Variants in CSMD3 observed in about 807,000 individuals in gnomAD.
CSMD3 encodes CUB and sushi domain-containing protein 3.
CSMD3 carries 177 observed loss-of-function variants against 435.2 expected under a neutral mutation model. The ratio of observed to expected loss-of-function variants is 0.41; its 90% CI spans 0.36 to 0.46. The LOEUF (loss-of-function observed/expected upper bound fraction) is 0.46. Ranked by LOEUF, CSMD3 falls within the 20% of genes least tolerant of loss-of-function variation. The pLI is 0.34. For missense variants in CSMD3, 4,265 were observed against 4,504.6 expected, an observed-to-expected ratio of 0.95 and a Z score of 1.52; for synonymous variants, 1,656 against 1,520.5, an observed-to-expected ratio of 1.09 and a Z score of -2.07.
At chr8:112,612,311 T>C (rs1833319679) in intron 22 of CSMD3, among the ~76,000 whole-genome samples, 1 of 152,152 alleles carries the variant, frequency 6.6e-6, no homozygotes. Context: ...TAAAAAACTA[T>C]CCCTTTCATT....
intron 3 of CSMD3, among the ~76,000 whole-genome samples, chr8:113,249,675 G>C (rs901042710): frequency 6.6e-6 from 1 of 151,806 alleles, no homozygotes; most frequent in African/African-American, 2.4e-5. Flanking sequence ...AAAGAAATTC[G>C]ACTGCCTTAT....
intron 13 of CSMD3, among the ~76,000 whole-genome samples, chr8:112,780,489 C>T (rs2078356937): frequency 1.3e-5 from 2 of 152,050 alleles, no homozygotes; most frequent in Non-Finnish European, 1.5e-5. Context: ...CACAAGAAAG[C>T]ACTTCTGTAA....
intron 65 of CSMD3, 71 bp from the exon 66 acceptor site, chr8:112,241,856 ACG>A (rs61259367): frequency 0.28 from 191,060 of 672,376 alleles, 8,733 homozygotes; most frequent in Admixed American, 0.38. Context: ...ACACACACAC[ACG>A]CACACACACA....
chr8:112,323,358 T>G (rs867559281), intron 45 of CSMD3, among the ~76,000 whole-genome samples: 1 of 152,068 alleles, frequency 6.6e-6, no homozygotes, highest in Non-Finnish European at 1.5e-5. Context: ...CAGTCTAGAT[T>G]CCTGCCATTT....
chr8:113,228,917 C>T (rs538474834), intron 3 of CSMD3, among the ~76,000 whole-genome samples: 1 of 151,612 alleles, frequency 6.6e-6, no homozygotes, highest in African/African-American at 2.4e-5. Context: ...ATTTAGTGCC[C>T]ATCCATGCAA....
chr8:112,795,147 C>T (rs1004851766), intron 13 of CSMD3, among the ~76,000 whole-genome samples: 22 of 152,126 alleles, frequency 1.4e-4, no homozygotes, highest in African/African-American at 4.3e-4. Context: ...TTAATACTAC[C>T]ATATTCTAAA....
chr8:112,335,238 CA>C (rs1182191009), intron 45 of CSMD3, 90 bp downstream of exon 45: 1 of 1,268,034 alleles, frequency 7.9e-7, no homozygotes, highest in African/African-American at 1.5e-5. Context: ...AATACCTTTT[CA>C]ATCATTGGTT....
At chr8:112,578,773 A>G (rs1481821091) in intron 23 of CSMD3, among the ~76,000 whole-genome samples, 1 of 152,068 alleles carries the variant, frequency 6.6e-6, no homozygotes, top group Non-Finnish European at 1.5e-5. Flanking sequence ...CAGTCCTGAC[A>G]TTGTGGCACA....
intron 5 of CSMD3, among the ~76,000 whole-genome samples, chr8:113,071,733 G>T (rs1252701916): frequency 6.6e-6 from 1 of 151,808 alleles, no homozygotes; most frequent in Non-Finnish European, 1.5e-5. Context: ...CAATTAGAAA[G>T]CTTGATGCCT....
At chr8:112,323,148 A>AAAACAAAC (rs60164058) in intron 45 of CSMD3, among the ~76,000 whole-genome samples, 21,582 of 150,450 alleles carry the variant, frequency 0.14, 3,880 homozygotes, top group African/African-American at 0.42. Flanking sequence ...GGAGTAATGA[A>AAAACAAAC]AAACAAACAA....
intron 22 of CSMD3, among the ~76,000 whole-genome samples, chr8:112,625,409 G>T (rs1259379904): frequency 6.6e-6 from 1 of 151,928 alleles, no homozygotes; most frequent in Non-Finnish European, 1.5e-5. Flanking sequence ...GACAAAAAAG[G>T]CTCAGAATTT....
At chr8:112,462,031 C>A (rs1016521120) in intron 32 of CSMD3, among the ~76,000 whole-genome samples, 1 of 152,116 alleles carries the variant, frequency 6.6e-6, no homozygotes, top group Non-Finnish European at 1.5e-5. Flanking sequence ...AAAATGAGGA[C>A]CAGAAAGCTT....
chr8:112,856,047 G>C (rs1224616081), intron 11 of CSMD3, among the ~76,000 whole-genome samples: 2 of 151,846 alleles, frequency 1.3e-5, no homozygotes, highest in African/African-American at 4.8e-5. Flanking sequence ...TTCACACATG[G>C]AGCTAATGTT....
intron 36 of CSMD3, among the ~76,000 whole-genome samples, chr8:112,388,339 C>T (rs979501757): frequency 1.2e-4 from 18 of 152,020 alleles, no homozygotes; most frequent in Non-Finnish European, 1.0e-4. Context: ...CTCTACTGGA[C>T]GTACAGGGAA....
intron 9 of CSMD3, 101 bp from the exon 10 acceptor site, chr8:112,921,852 T>C (rs898007222): frequency 1.4e-5 from 12 of 882,858 alleles, no homozygotes; most frequent in Non-Finnish European, 2.0e-5. Context: ...ATATGTACTA[T>C]AGTGACAAAA....
intron 31 of CSMD3, among the ~76,000 whole-genome samples, chr8:112,481,843 A>G (rs1819647042): frequency 6.6e-6 from 1 of 152,154 alleles, no homozygotes; most frequent in Admixed American, 6.5e-5. Flanking sequence ...ATTTGATCTT[A>G]GTAAAAATAC....
Position 112,907,283 on chromosome 8 carries a change from C to T in CSMD3, c.1633+14344G>A, listed in dbSNP as rs374105692. ...AATTTTATAAGAGCCATAAACTTCACGTGAACTTTTGAAAAGCTGAACTGA... is the reference window on the plus strand; with the variant it reads ...AATTTTATAAGAGCCATAAACTTCATGTGAACTTTTGAAAAGCTGAACTGA... On this transcript the variant is annotated intron_variant, in intron 10 of 70. Coordinates refer to ENST00000297405, the MANE Select transcript of CSMD3 (RefSeq NM_198123.2). Among the ~76,000 whole-genome samples the T allele has an allele frequency of 5.3e-5, 8 of 151,534 alleles. No individual in the cohort carries two copies. In the East Asian group the frequency reaches 5.9e-4, roughly 11 times the overall value.
intron 40 of CSMD3, among the ~76,000 whole-genome samples, chr8:112,350,953 A>C (rs1333458669): frequency 6.6e-6 from 1 of 152,042 alleles, no homozygotes; most frequent in Non-Finnish European, 1.5e-5. Context: ...ACTGAAGTTG[A>C]GGATAAATAA....
At chr8:113,365,077 G>A (rs1011190512) in intron 1 of CSMD3, among the ~76,000 whole-genome samples, 3 of 151,942 alleles carry the variant, frequency 2.0e-5, no homozygotes, top group Admixed American at 6.6e-5. Flanking sequence ...GTGAAATGTT[G>A]AACTATAACA....
Sources: gnomAD v4.1 joint callset for allele counts (sites outside exome capture counted in the v4.1 genomes callset) on GRCh38, gnomAD v4.1.1 for gene constraint, MANE v1.5 for transcripts, NCBI Gene and HGNC (gene_info 2026-07-23, HGNC 2026-07-21) for gene names.